LUZP2: variants seen among roughly 807,000 people sequenced by gnomAD.
LUZP2 encodes leucine zipper protein 2.
A neutral mutation model predicts 51.6 loss-of-function variants in LUZP2; 52 were observed. That is an observed-to-expected ratio of 1.01 (90% CI 0.81 to 1.27). LUZP2 has a LOEUF of 1.27. LUZP2 is among the 50% of genes most tolerant of loss of function. The pLI, the probability that LUZP2 is intolerant of heterozygous loss-of-function variation, is 0.00. For missense variants in LUZP2, 436 were observed against 395.4 expected (o/e 1.10, Z -0.87); for synonymous variants, 154 against 137.3 (o/e 1.12, Z -0.85).
chr11:24,518,832 G>A (rs571189677), intron 1 of LUZP2, among the ~76,000 whole-genome samples: 7 of 152,250 alleles, frequency 4.6e-5, no homozygotes, highest in East Asian at 1.9e-4. Context: ...GAGAGGGTTC[G>A]GCTTTTATAG....
intron 9 of LUZP2, among the ~76,000 whole-genome samples, chr11:25,037,195 A>C (rs575570756): frequency 2.0e-5 from 3 of 152,236 alleles, no homozygotes; most frequent in African/African-American, 7.2e-5. Context: ...TGTATCCTTT[A>C]GCATTATGTA....
At chr11:24,798,091 C>G (rs1310385147) in intron 5 of LUZP2, among the ~76,000 whole-genome samples, 1 of 152,006 alleles carries the variant, frequency 6.6e-6, no homozygotes, top group Non-Finnish European at 1.5e-5. Context: ...GGCTCTGATG[C>G]TCTGTAAAAT....
In LUZP2 at chr11:24,963,549, G is replaced by A. The variant is rs186359147; in HGVS notation, c.523-13042G>A. 2.3e-3 allele frequency among the ~76,000 whole-genome samples: 356 copies of A among 152,272 alleles called. 1 individual carries two copies. The highest frequency in any genetic ancestry group is 8.0e-3 in the African/African-American group (332 of 41,576). On this transcript the variant is annotated intron_variant, in intron 7 of 11. Coordinates refer to ENST00000336930, the MANE Select transcript of LUZP2 (RefSeq NM_001009909.4). ...GTGCTAGCAACCAGCGAGACTCCGT[G>A]GGCATAGGACCCTCCGAGCCATGTG...
At chr11:25,053,542 CT>C (rs35513610) in intron 10 of LUZP2, among the ~76,000 whole-genome samples, 1,747 of 145,074 alleles carry the variant, frequency 0.012, 23 homozygotes, top group African/African-American at 0.03. Context: ...TCCCACATGC[CT>C]TTTTTTTTTT....
At chr11:24,796,727 G>A (rs61701248) in intron 5 of LUZP2, among the ~76,000 whole-genome samples, 14 of 152,084 alleles carry the variant, frequency 9.2e-5, no homozygotes, top group African/African-American at 2.9e-4. Flanking sequence ...CATATAATAC[G>A]TTTTTAAGTG....
intron 1 of LUZP2, among the ~76,000 whole-genome samples, chr11:24,517,317 C>A (rs1344318734): frequency 1.3e-5 from 2 of 151,404 alleles, no homozygotes; most frequent in Non-Finnish European, 2.9e-5. Flanking sequence ...AACCCCGTCT[C>A]TACTAAACAT....
At chr11:25,065,041 A>G (rs12286225) in intron 10 of LUZP2, among the ~76,000 whole-genome samples, 6,984 of 152,142 alleles carry the variant, frequency 0.046, 521 homozygotes, top group African/African-American at 0.15. Flanking sequence ...ATAGTAAAAA[A>G]GAGAAACATG....
At chr11:24,566,999 A>AAT (rs201307469) in intron 1 of LUZP2, among the ~76,000 whole-genome samples, 2 of 105,514 alleles carry the variant, frequency 1.9e-5, no homozygotes, top group South Asian at 2.7e-4. Flanking sequence ...TATATAAATG[A>AAT]ATATATATAT....
At chr11:25,012,625 A>G (rs928967364) in intron 9 of LUZP2, among the ~76,000 whole-genome samples, 1 of 152,194 alleles carries the variant, frequency 6.6e-6, no homozygotes, top group Non-Finnish European at 1.5e-5. Flanking sequence ...AAAAATGCTC[A>G]ACATTATTAA....
In LUZP2 at chr11:24,984,546, AT is replaced by A. The variant is rs748397122; in HGVS notation, c.765+1254del. Among the ~76,000 whole-genome samples the A allele has an allele frequency of 3.5e-3, 375 of 107,430 alleles. 8 individuals are homozygous for A. The highest frequency in any genetic ancestry group is 4.8e-3 in the Non-Finnish European group (264 of 54,700). The allele number at this position is 107,430 out of a possible 152,430, so 70.5% of individuals were successfully genotyped here. ...ATTTTATATATATATATATATATAT[AT>A]ATAATTGTGAATTTTAAAAGCCACA... On this transcript the variant is annotated intron_variant, in intron 9 of 11. Transcript: ENST00000336930.
intron 5 of LUZP2, among the ~76,000 whole-genome samples, chr11:24,863,430 A>G (rs552106581): frequency 2.6e-4 from 40 of 152,294 alleles, no homozygotes; most frequent in Middle Eastern, 3.4e-3. Context: ...ACATGATCCA[A>G]GTGAAAGAAT....
At chr11:24,735,512 C>G (rs1051976579) in intron 3 of LUZP2, among the ~76,000 whole-genome samples, 1 of 151,822 alleles carries the variant, frequency 6.6e-6, no homozygotes, top group Non-Finnish European at 1.5e-5. Context: ...TACTAAAGCA[C>G]TTTACAATAA....
At chr11:24,943,549 A>G (rs1426415030) in intron 7 of LUZP2, among the ~76,000 whole-genome samples, 1 of 152,100 alleles carries the variant, frequency 6.6e-6, no homozygotes, top group Non-Finnish European at 1.5e-5. Context: ...GGGAAAGTCC[A>G]TCTAATAATA....
rs1396854 is a variant in LUZP2, at chr11:24,558,830, G to T, written c.62+61525G>T. Among the ~76,000 whole-genome samples the T allele has an allele frequency of 3.9e-5, 6 of 152,198 alleles. No individual in the cohort carries two copies. The South Asian group carries it at 1.2e-3, about 32-fold the overall frequency. ...TTTGCCATGTAAGAGCAGACACCCC[G>T]TTGGATCATTGAACAGCCCTCACTA... On this transcript the variant is annotated intron_variant, in intron 1 of 11. Transcript: ENST00000336930.
At chr11:24,780,571 A>G (rs988815310) in intron 5 of LUZP2, among the ~76,000 whole-genome samples, 1 of 152,170 alleles carries the variant, frequency 6.6e-6, no homozygotes, top group Non-Finnish European at 1.5e-5. Flanking sequence ...CAACATGCCA[A>G]TCATGATGAA....
intron 1 of LUZP2, among the ~76,000 whole-genome samples, chr11:24,530,762 C>CTTTT (rs367857815): frequency 5.3e-4 from 40 of 75,374 alleles, no homozygotes; most frequent in South Asian, 1.2e-3. Context: ...CTTCTTCTTA[C>CTTTT]TTTTTTTTTT....
intron 1 of LUZP2, among the ~76,000 whole-genome samples, chr11:24,697,314 T>C (rs7949406): frequency 0.44 from 66,759 of 151,992 alleles, 15,361 homozygotes; most frequent in Middle Eastern, 0.55. Flanking sequence ...AGTTAAGAGA[T>C]CTATGTATAT....
At chr11:24,787,681 A>G (rs926248408) in intron 5 of LUZP2, among the ~76,000 whole-genome samples, 3 of 152,048 alleles carry the variant, frequency 2.0e-5, no homozygotes, top group Non-Finnish European at 4.4e-5. Context: ...AAGATTTTTT[A>G]TTCTCTCACA....
At chr11:24,553,020 C>T (rs1054748900) in intron 1 of LUZP2, among the ~76,000 whole-genome samples, 2 of 151,054 alleles carry the variant, frequency 1.3e-5, no homozygotes, top group African/African-American at 4.9e-5. Flanking sequence ...ATGTGCCTTA[C>T]CAGACATTAA....
Sources: gnomAD v4.1 joint callset for allele counts (sites outside exome capture counted in the v4.1 genomes callset) on GRCh38, gnomAD v4.1.1 for gene constraint, MANE v1.5 for transcripts, NCBI Gene and HGNC (gene_info 2026-07-23, HGNC 2026-07-21) for gene names.